Variants in ESRRG observed in about 807,000 individuals in gnomAD.
ESRRG encodes the protein estrogen-related receptor gamma.
In ESRRG, 13 loss-of-function variants were observed where a neutral mutation model predicts 44.0. The observed-to-expected ratio is 0.30, with a 90% CI of 0.19 to 0.47. ESRRG has a LOEUF of 0.47. Among genes scored for constraint, ESRRG ranks in the 20% least tolerant of loss-of-function variants. ESRRG has a pLI of 1.00. For missense variants in ESRRG, 395 were observed against 580.6 expected (o/e 0.68, Z 3.29); for synonymous variants, 215 against 214.6 (o/e 1.00, Z -0.02).
chr1:216,623,227 G>A (rs188748889), intron 3 of ESRRG, among the ~76,000 whole-genome samples: 1 of 151,444 alleles, frequency 6.6e-6, no homozygotes, highest in Admixed American at 6.6e-5. Flanking sequence ...GGACTACAGG[G>A]GCCCACCACC....
chr1:216,715,140 G>A (rs1450354705), intron 1 of ESRRG: 6 of 985,176 alleles, frequency 6.1e-6, no homozygotes, highest in Middle Eastern at 5.2e-4. Context: ...GATGTGTAGA[G>A]CAATAAGATG....
rs375190741 is a variant in ESRRG, at chr1:217,111,202, A to T, written c.-230+26465T>A. Among the ~76,000 whole-genome samples the T allele has an allele frequency of 2.6e-5, 4 of 152,250 alleles. No homozygotes were observed. In the East Asian group the frequency reaches 5.8e-4, roughly 22 times the overall value. On this transcript the variant is annotated intron_variant, in intron 1 of 8. Transcript: ENST00000366940. ...CTGAAATTCCCCCAGGGCCCCCCTT[A>T]TCACTTCTTCCAACACATAACTTTG...
intron 1 of ESRRG, among the ~76,000 whole-genome samples, chr1:217,015,657 C>T (rs1378405013): frequency 1.3e-5 from 2 of 151,488 alleles, no homozygotes; most frequent in African/African-American, 2.4e-5. Context: ...ATCTTAATTA[C>T]GTATGGCAAG....
intron 2 of ESRRG, among the ~76,000 whole-genome samples, chr1:216,833,162 A>C (rs2095512862): frequency 6.6e-6 from 1 of 152,168 alleles, no homozygotes; most frequent in African/African-American, 2.4e-5. Context: ...TCACAGTGTA[A>C]GTGCTCAAGA....
At chr1:216,526,433 T>C (rs1021284723) in intron 5 of ESRRG, among the ~76,000 whole-genome samples, 13 of 151,990 alleles carry the variant, frequency 8.6e-5, no homozygotes, top group Non-Finnish European at 1.9e-4. Context: ...GAATACTACC[T>C]ACAAGCCAAG....
chr1:216,576,614 TC>T (rs2061728693), intron 3 of ESRRG, among the ~76,000 whole-genome samples: 1 of 152,008 alleles, frequency 6.6e-6, no homozygotes, highest in Non-Finnish European at 1.5e-5. Flanking sequence ...TCTATTTTTT[TC>T]CCCTCCACAA....
At chr1:216,530,216 G>T (rs186053575) in intron 5 of ESRRG, among the ~76,000 whole-genome samples, 102 of 149,954 alleles carry the variant, frequency 6.8e-4, no homozygotes, top group Non-Finnish European at 1.2e-3. Context: ...AATATTGTAA[G>T]AACCTTTTAA....
chr1:216,836,968 C>G (rs2095575036), intron 2 of ESRRG, among the ~76,000 whole-genome samples: 1 of 152,144 alleles, frequency 6.6e-6, no homozygotes, highest in Non-Finnish European at 1.5e-5. Flanking sequence ...CAGACACACA[C>G]ACTCAGAGCA....
intron 2 of ESRRG, among the ~76,000 whole-genome samples, chr1:216,902,353 G>C (rs529879656): frequency 2.1e-3 from 317 of 152,204 alleles, no homozygotes; most frequent in Non-Finnish European, 3.7e-3. Context: ...TCTTGGTGTG[G>C]TGGTGGGTGC....
chr1:216,572,857 T>C (rs1326818092), intron 3 of ESRRG, among the ~76,000 whole-genome samples: 1 of 152,078 alleles, frequency 6.6e-6, no homozygotes, highest in Non-Finnish European at 1.5e-5. Flanking sequence ...GAAAATTCTA[T>C]CTCTATCACC....
chr1:216,550,103 C>A (rs548507306), intron 5 of ESRRG, among the ~76,000 whole-genome samples: 8 of 152,188 alleles, frequency 5.3e-5, no homozygotes, highest in African/African-American at 1.9e-4. Flanking sequence ...TTGCATGAAC[C>A]GCTAGGAATA....
At chr1:216,615,734 CTCT>C (rs2061336431) in intron 3 of ESRRG, among the ~76,000 whole-genome samples, 1 of 116,396 alleles carries the variant, frequency 8.6e-6, no homozygotes, top group African/African-American at 4.0e-5. Context: ...CTATTTCTCT[CTCT>C]TTTTTTTTTT....
At chr1:216,854,303 G>C (rs1470197776) in intron 2 of ESRRG, among the ~76,000 whole-genome samples, 1 of 132,590 alleles carries the variant, frequency 7.5e-6, no homozygotes, top group Non-Finnish European at 1.5e-5. Flanking sequence ...GTTGCAGTGA[G>C]TCGAGATCGC....
chr1:216,511,718 T>A (rs1449584251), intron 6 of ESRRG, among the ~76,000 whole-genome samples: 1 of 152,208 alleles, frequency 6.6e-6, no homozygotes, highest in Non-Finnish European at 1.5e-5. Flanking sequence ...AGAAAATATT[T>A]AAAATGAACA....
intron 1 of ESRRG, among the ~76,000 whole-genome samples, chr1:217,102,550 G>A (rs191421481): frequency 5.3e-5 from 8 of 152,196 alleles, no homozygotes; most frequent in East Asian, 1.9e-4. Context: ...ACCCTCCCAC[G>A]TCTTCTCTGA....
chr1:216,785,469 G>T (rs73096007), intron 2 of ESRRG, among the ~76,000 whole-genome samples: 2,214 of 152,102 alleles, frequency 0.015, 60 homozygotes, highest in African/African-American at 0.049. Flanking sequence ...GGCACAGTCT[G>T]CACTGGCCTG....
intron 1 of ESRRG, among the ~76,000 whole-genome samples, chr1:216,998,870 T>G (rs957706465): frequency 1.3e-5 from 2 of 152,246 alleles, no homozygotes; most frequent in African/African-American, 4.8e-5. Flanking sequence ...ACCTAGGTGA[T>G]GTCCACCCTT....
intron 1 of ESRRG, among the ~76,000 whole-genome samples, chr1:216,990,053 C>A (rs534586362): frequency 6.6e-6 from 1 of 152,080 alleles, no homozygotes; most frequent in East Asian, 1.9e-4. Context: ...CTCCGTTATA[C>A]CCAACAATTC....
chr1:216,661,480 T>C (rs1163062216), intron 2 of ESRRG, among the ~76,000 whole-genome samples: 1 of 152,242 alleles, frequency 6.6e-6, no homozygotes, highest in Admixed American at 6.5e-5. Context: ...GCAATGCTAA[T>C]TACATCTAAT....
Sources: allele counts gnomAD v4.1 joint callset (sites outside exome capture counted in the v4.1 genomes callset), GRCh38; gene constraint gnomAD v4.1.1; transcripts MANE v1.5; gene names NCBI Gene and HGNC (gene_info 2026-07-23, HGNC 2026-07-21).